Variants in NUBP2 observed in about 807,000 individuals in gnomAD.
NUBP2 encodes the protein cytosolic Fe-S cluster assembly factor NUBP2.
NUBP2 carries 23 observed loss-of-function variants against 24.9 expected under a neutral mutation model. That is an observed-to-expected ratio of 0.92 (90% CI 0.66 to 1.31). NUBP2 has a LOEUF of 1.31. Among genes scored for constraint, NUBP2 ranks in the 50% most tolerant of loss-of-function variants. The probability of loss-of-function intolerance (pLI) is 0.00; values close to 1 mark genes in which losing one functional copy is unlikely to be tolerated. For missense variants in NUBP2, 403 were observed against 386.5 expected, an observed-to-expected ratio of 1.04 and a Z score of -0.36; for synonymous variants, 186 against 170.9, an observed-to-expected ratio of 1.09 and a Z score of -0.69.
In NUBP2 at chr16:1,788,028, G is replaced by C; in HGVS notation, c.577G>C (p.Gly193Arg). ...RVMGIVENMS[G>R]FTCPHCTECT... ...GATGGGAATCGTGGAGAATATGAGC[G>C]GCTTCACCTGCCCACACTGCACGGT... Residue 193 changes from glycine to arginine, a missense_variant, in exon 5 of 7, where the codon GGC becomes CGC. Coordinates refer to ENST00000262302, the MANE Select transcript of NUBP2 (RefSeq NM_012225.4). 1 of 1,598,684 alleles carries C rather than the reference G, an allele frequency of 6.3e-7. No homozygotes were observed. Among genetic ancestry groups the C allele is most frequent in the South Asian group, 1.1e-5 (1 of 89,616 alleles).
Position 1,787,801 on chromosome 16 carries a change from C to T in NUBP2, c.459C>T (p.Pro153=), listed in dbSNP as rs549388890. 6.2e-7 allele frequency: 1 copy of T among 1,611,886 alleles called. No homozygotes were observed. Among genetic ancestry groups the T allele is most frequent in the South Asian group, 1.1e-5 (1 of 91,086 alleles). Residue 153 remains proline, a synonymous_variant, in exon 4 of 7, where the codon CCC becomes CCT. Coordinates refer to ENST00000262302, the MANE Select transcript of NUBP2 (RefSeq NM_012225.4). ...TAGAAGCCCTGCGTCCCTACCAGCC[C>T]CTGGGGGCCCTCGTGGTCACCACGC... The part of the protein sequence containing the change: ...ATIEALRPYQ[P]LGALVVTTPQ...
chr16:1,785,966 A>AC, intron 1 of NUBP2: 1 of 1,215,734 alleles, frequency 8.2e-7, no homozygotes, highest in South Asian at 1.4e-5. Context: ...TGGCAGGGAC[A>AC]GGATGGGACC....
At chr16:1,786,243 C>T in intron 1 of NUBP2, 1 of 454,536 alleles carries the variant, frequency 2.2e-6, no homozygotes, top group Non-Finnish European at 4.0e-6. Flanking sequence ...CGAAGGAACG[C>T]ATGCACCCTT....
At chr16:1,785,842 C>T (rs1215796814) in intron 1 of NUBP2, 1 of 1,288,946 alleles carries the variant, frequency 7.8e-7, no homozygotes, top group South Asian at 1.2e-5. Context: ...CCTCCAAGGA[C>T]CTGTCGGGGA....
intron 1 of NUBP2, chr16:1,783,601 C>T: frequency 1.6e-6 from 1 of 616,070 alleles, no homozygotes; most frequent in Non-Finnish European, 2.0e-6. Context: ...CCGCATTTAT[C>T]TTCTAAGAGA....
rs779478575 is a variant in NUBP2 at position 1,787,999 on chromosome 16, G to A, written c.548G>A (p.Arg183Gln). Residue 183 changes from arginine to glutamine, a missense_variant, in exon 5 of 7, where the codon CGG becomes CAG. By Grantham distance (43) the Arg-to-Gln change is conservative (BLOSUM62 1). Coordinates refer to ENST00000262302, the MANE Select transcript of NUBP2 (RefSeq NM_012225.4). ...ACCTTCTGTAGGAAGACGGGCTTGC[G>A]GGTGATGGGAATCGTGGAGAATATG... is the stretch of plus-strand genomic sequence containing the variant. ...ELTFCRKTGL[R>Q]VMGIVENMSG... 29 of 1,604,888 alleles carry A rather than the reference G, an allele frequency of 1.8e-5. No homozygotes were observed. The highest frequency in any genetic ancestry group is 1.2e-4 in the Admixed American group (7 of 56,998).
Position 1,786,949 on chromosome 16 carries a change from A to G in NUBP2, c.328A>G (p.Lys110Glu). ...GGCCGTGGTGTGGAGAGGCCCCAAGAAAAACGGTAACGGCCGGGCGGCGCG... is the reference window on the plus strand; with the variant it reads ...GGCCGTGGTGTGGAGAGGCCCCAAGGAAAACGGTAACGGCCGGGCGGCGCG... ...DEAVVWRGPK[K>E]NALIKQFVSD... The change falls in exon 3 of 7, where the codon AAA (lysine) becomes GAA (glutamate). Residue 110 changes from lysine (K) to glutamate (E), a missense_variant. By Grantham distance (56) the Lys-to-Glu change is moderately conservative. Transcript: ENST00000262302. 1 of 1,516,718 alleles carries G rather than the reference A, an allele frequency of 6.6e-7. No individual in the cohort carries two copies. The highest frequency in any genetic ancestry group is 1.3e-5 in the South Asian group (1 of 77,936). The allele number at this position is 1,516,718 out of a possible 1,614,324, so 94.0% of individuals were successfully genotyped here.
intron 3 of NUBP2, 54 bp downstream of exon 3, chr16:1,787,009 C>A: frequency 7.0e-7 from 1 of 1,430,358 alleles, no homozygotes; most frequent in Non-Finnish European, 9.2e-7. Flanking sequence ...AGCGTCCGTG[C>A]CGGCCTCTCC....
In NUBP2 at chr16:1,787,501, A is replaced by T. The variant is rs2142004221; in HGVS notation, c.335-176A>T. 3 of 825,308 alleles carry T rather than the reference A, an allele frequency of 3.6e-6. No homozygotes were observed. In the East Asian group the frequency reaches 7.5e-5, roughly 21 times the overall value. 51.1% of individuals were successfully genotyped at this position (825,308 alleles called of 1,614,324 possible). ...GGGACGCTGTAATGGCCCCGGCCCC[A>T]TCTTTGCACTCCTGCAGCGGGCCAG... On this transcript the variant is annotated intron_variant, in intron 3 of 6. Coordinates refer to ENST00000262302, the MANE Select transcript of NUBP2 (RefSeq NM_012225.4).
chr16:1,787,383 A>G (rs1409814943), intron 3 of NUBP2: 1 of 501,894 alleles, frequency 2.0e-6, no homozygotes, highest in Non-Finnish European at 3.6e-6. Context: ...ATGTGTGGGT[A>G]CAGACGCCTG....
Position 1,786,965 on chromosome 16 carries a change from G to C in NUBP2, c.334+10G>C. ...GGCCCCAAGAAAAACGGTAACGGCC[G>C]GGCGGCGCGTCCGCCGTCCTGGTGA... On this transcript the variant is annotated intron_variant, in intron 3 of 6. Transcript: ENST00000262302. 1 of 1,510,546 alleles carries C rather than the reference G, an allele frequency of 6.6e-7. No individual in the cohort carries two copies. Among genetic ancestry groups the C allele is most frequent in the Non-Finnish European group, 8.9e-7 (1 of 1,128,618 alleles). 93.6% of individuals were successfully genotyped at this position (1,510,546 alleles called of 1,614,324 possible).
At chr16:1,786,216 G>T (rs1235969822) in intron 1 of NUBP2, 7 of 391,108 alleles carry the variant, frequency 1.8e-5, no homozygotes, top group Non-Finnish European at 2.9e-5. Context: ...ACCCACGTGT[G>T]TGTTTGCACA....
intron 1 of NUBP2, chr16:1,783,359 G>C (rs1896811867): frequency 1.8e-6 from 2 of 1,093,544 alleles, no homozygotes; most frequent in East Asian, 5.5e-5. Context: ...TGGAGGTCGC[G>C]GTTGCAACTG....
At position 1,783,915 on chromosome 16, in the gene NUBP2, G is replaced by C. The variant is rs931514087; in HGVS notation, c.16+879G>C. 1.3e-3 allele frequency: 625 copies of C among 473,942 alleles called. 1 individual carries two copies. Among genetic ancestry groups the C allele is most frequent in the South Asian group, 2.3e-3 (25 of 11,024 alleles). 29.4% of individuals were successfully genotyped at this position (473,942 alleles called of 1,614,324 possible). On this transcript the variant is annotated intron_variant, in intron 1 of 6. Transcript: ENST00000262302. ...TCACCGTGTTAGCCAGGATGGTCTC[G>C]ATCTCCTGACCTCGTGATCCGCCCG...
intron 1 of NUBP2, chr16:1,783,493 G>A (rs907710552): frequency 2.1e-4 from 212 of 989,706 alleles, no homozygotes; most frequent in Non-Finnish European, 2.3e-4. Context: ...GGCGCTCTCA[G>A]TGTTCAGAAA....
At chr16:1,785,110 G>C in intron 1 of NUBP2, 2 of 986,900 alleles carry the variant, frequency 2.0e-6, no homozygotes, top group Non-Finnish European at 2.4e-6. Context: ...GAATGATCTG[G>C]ATTTGCTAAC....
intron 3 of NUBP2, 195 bp downstream of exon 3, chr16:1,787,150 A>G (rs1897013487): frequency 1.5e-5 from 8 of 518,958 alleles, no homozygotes; most frequent in South Asian, 1.1e-4. Context: ...GCTGTCCCCA[A>G]CTCCCGGTCA....
In NUBP2 at chr16:1,787,933, C is replaced by G; in HGVS notation, c.490-8C>G. On this transcript the variant is annotated splice_polypyrimidine_tract_variant and splice_region_variant and intron_variant, in intron 4 of 6. Transcript: ENST00000262302. ...TGGCTGACCGTGGCCTCGGCTCCTGCCCCGCAGGCGGTGTCCGTGGGGGAC... is the reference window on the plus strand; with the variant it reads ...TGGCTGACCGTGGCCTCGGCTCCTGGCCCGCAGGCGGTGTCCGTGGGGGAC... 6.2e-7 allele frequency: 1 copy of G among 1,603,736 alleles called. No homozygotes were observed. The highest frequency in any genetic ancestry group is 8.5e-7 in the Non-Finnish European group (1 of 1,175,812).
intron 3 of NUBP2, 56 bp from the exon 4 acceptor site, chr16:1,787,621 G>C (rs935061590): frequency 4.4e-5 from 70 of 1,588,678 alleles, no homozygotes; most frequent in Non-Finnish European, 5.7e-5. Context: ...AGTGGCGCAG[G>C]GCCACGTGTG....
Sources: allele counts gnomAD v4.1 joint callset, GRCh38; gene constraint gnomAD v4.1.1; transcripts MANE v1.5; gene names NCBI Gene and HGNC (gene_info 2026-07-23, HGNC 2026-07-21).